The following ATOSA variants were observed in gnomAD, a reference collection of about 807,000 sequenced individuals.
ATOSA encodes atos homolog protein A.
At chr15:52,581,336 T>C in the ATOSA span, 1 of 152,248 alleles carries the variant, frequency 6.6e-6, no homozygotes, top group Admixed American at 6.5e-5. Context: ...TTTTTTTGAA[T>C]ATATTTACAA....
the ATOSA span, chr15:52,609,153 C>T: frequency 1.9e-6 from 3 of 1,613,282 alleles, no homozygotes; most frequent in South Asian, 3.3e-5. Flanking sequence ...TAGGATTGTT[C>T]TGACACTGAT....
the ATOSA span, among the ~76,000 whole-genome samples, chr15:52,606,555 C>T: frequency 2.0e-5 from 3 of 151,904 alleles, no homozygotes; most frequent in Middle Eastern, 3.2e-3. Context: ...AGAAGGGGCA[C>T]ACAGTAAATT....
the ATOSA span, chr15:52,582,193 A>C: frequency 6.3e-7 from 1 of 1,589,246 alleles, no homozygotes; most frequent in Non-Finnish European, 8.5e-7. Flanking sequence ...TTGGTGATTC[A>C]GTGTAAGATT....
the ATOSA span, among the ~76,000 whole-genome samples, chr15:52,597,953 G>A: frequency 1.3e-5 from 2 of 152,030 alleles, no homozygotes; most frequent in Non-Finnish European, 2.9e-5. Flanking sequence ...GGTGAAACTC[G>A]TCTCTACTGA....
the ATOSA span, among the ~76,000 whole-genome samples, chr15:52,661,383 G>C: frequency 6.6e-6 from 1 of 152,212 alleles, no homozygotes; most frequent in African/African-American, 2.4e-5. Flanking sequence ...CTAGAGGCAT[G>C]AAGTAATACA....
the ATOSA span, among the ~76,000 whole-genome samples, chr15:52,640,901 A>C: frequency 6.6e-6 from 1 of 152,188 alleles, no homozygotes; most frequent in African/African-American, 2.4e-5. Flanking sequence ...TTCATCAAAA[A>C]ATTAAAAAAA....
At chr15:52,613,697 A>G in the ATOSA span, 1 of 1,613,866 alleles carries the variant, frequency 6.2e-7, no homozygotes, top group Non-Finnish European at 8.5e-7. Context: ...CACTACATTC[A>G]TGTTTGGTAG....
At chr15:52,639,738 C>A in the ATOSA span, among the ~76,000 whole-genome samples, 1 of 152,032 alleles carries the variant, frequency 6.6e-6, no homozygotes. Flanking sequence ...TCACTATATG[C>A]CAGATTCTGT....
the ATOSA span, among the ~76,000 whole-genome samples, chr15:52,668,437 A>G: frequency 2.0e-5 from 3 of 152,212 alleles, no homozygotes; most frequent in Admixed American, 6.5e-5. Flanking sequence ...AGGTTGATCA[A>G]CAGATACAAA....
the ATOSA span, chr15:52,608,749 C>T: frequency 6.2e-7 from 1 of 1,609,516 alleles, no homozygotes; most frequent in Non-Finnish European, 8.5e-7. Context: ...ATTCTCTATG[C>T]TATTAAGTTG....
At chr15:52,648,111 G>A in the ATOSA span, among the ~76,000 whole-genome samples, 1 of 152,018 alleles carries the variant, frequency 6.6e-6, no homozygotes, top group African/African-American at 2.4e-5. Flanking sequence ...TAACTTTAAA[G>A]GAAAGTTATA....
chr15:52,640,571 CAAAAAAA>C, the ATOSA span, among the ~76,000 whole-genome samples: 2 of 27,564 alleles, frequency 7.3e-5, no homozygotes, highest in Admixed American at 8.0e-4. Flanking sequence ...ACTCAAGTCT[CAAAAAAA>C]AAAAAAAAAA....
At chr15:52,626,695 C>T in the ATOSA span, among the ~76,000 whole-genome samples, 2 of 152,090 alleles carry the variant, frequency 1.3e-5, no homozygotes, top group East Asian at 3.8e-4. Context: ...CTTAAACCTA[C>T]GTCTCTTGTG....
the ATOSA span, among the ~76,000 whole-genome samples, chr15:52,597,155 GTTCTGTTCTGTTCTA>G: frequency 1.3e-4 from 1 of 7,784 alleles, no homozygotes; most frequent in African/African-American, 2.6e-4. Context: ...ATTTTATTCT[GTTCTGTTCTGTTCTA>G]TTCTATTCTA....
the ATOSA span, among the ~76,000 whole-genome samples, chr15:52,650,662 A>T: frequency 6.6e-6 from 1 of 152,212 alleles, no homozygotes; most frequent in Non-Finnish European, 1.5e-5. Context: ...AAGAACAACA[A>T]CAAAACCCAT....
the ATOSA span, among the ~76,000 whole-genome samples, chr15:52,661,112 G>C: frequency 6.6e-6 from 1 of 152,134 alleles, no homozygotes; most frequent in South Asian, 2.1e-4. Flanking sequence ...ACCATTTCCT[G>C]ATTTAATTTG....
chr15:52,637,527 C>G, the ATOSA span, among the ~76,000 whole-genome samples: 2 of 152,188 alleles, frequency 1.3e-5, no homozygotes, highest in African/African-American at 2.4e-5. Flanking sequence ...CTCCTAATAG[C>G]TCTAACCAAG....
At chr15:52,702,253 C>T in the ATOSA span, among the ~76,000 whole-genome samples, 4 of 152,132 alleles carry the variant, frequency 2.6e-5, no homozygotes, top group Admixed American at 6.6e-5. Flanking sequence ...CAGAAATCCC[C>T]TTATCAGGTA....
chr15:52,600,171 T>C, the ATOSA span: 32 of 1,611,872 alleles, frequency 2.0e-5, no homozygotes, highest in Non-Finnish European at 2.7e-5. Context: ...GGTGGAGCAC[T>C]AGAACTCAAA....
Sources: gnomAD v4.1 joint callset for allele counts (sites outside exome capture counted in the v4.1 genomes callset) on GRCh38, gnomAD v4.1.1 for gene constraint, MANE v1.5 for transcripts, NCBI Gene and HGNC (gene_info 2026-07-23, HGNC 2026-07-21) for gene names.